Variants in CACNA1H observed in about 807,000 individuals in gnomAD.
The protein encoded by CACNA1H is voltage-dependent T-type calcium channel subunit alpha-1H.
Under a neutral mutation model 192.5 loss-of-function variants are expected in CACNA1H, and 149 were observed. The ratio of observed to expected loss-of-function variants is 0.77; its 90% CI spans 0.68 to 0.89. The LOEUF (loss-of-function observed/expected upper bound fraction) is 0.89. CACNA1H is among the 40% of genes least tolerant of loss of function. The pLI is 0.00. For synonymous variants in CACNA1H, 2,202 were observed against 1,475.2 expected (o/e 1.49, Z -11.29); for missense variants, 4,257 against 3,423.5 (o/e 1.24, Z -6.08).
At chr16:1,200,081 A>C (rs1196057587) in intron 6 of CACNA1H, among the ~76,000 whole-genome samples, 175 bp from the exon 7 acceptor site, 22 of 151,960 alleles carry the variant, frequency 1.4e-4, no homozygotes, top group Admixed American at 1.4e-3. Context: ...CTTGACCCTC[A>C]GTCCTATCAT....
At chr16:1,204,867 T>G (rs1418916715) in intron 10 of CACNA1H, among the ~76,000 whole-genome samples, 4 of 50,290 alleles carry the variant, frequency 8.0e-5, no homozygotes, top group Admixed American at 2.1e-4. Flanking sequence ...GAGCCGCGGG[T>G]GGGGGCCCAG....
chr16:1,213,765 C>G lies in CACNA1H; in HGVS notation c.4778-15C>G. ...CGGCCCTCCTGCCCGGCGCTCATGG[C>G]CGCCCTCCCCGCAGAGGCCCAGCGC... is the stretch of plus-strand genomic sequence containing the variant. On this transcript the variant is annotated splice_polypyrimidine_tract_variant and intron_variant, in intron 26 of 34. Transcript: ENST00000348261. 1 of 1,533,106 alleles carries G rather than the reference C, an allele frequency of 6.5e-7. No individual in the cohort carries two copies. Among genetic ancestry groups the G allele is most frequent in the African/African-American group, 1.4e-5 (1 of 72,596 alleles). The allele number at this position is 1,533,106 out of a possible 1,614,324, so 95.0% of individuals were successfully genotyped here.
rs868641096 is a variant in CACNA1H at position 1,206,199 on chromosome 16, C to T, written c.2699C>T (p.Ala900Val). The T allele has an allele frequency of 5.0e-6, 8 of 1,593,784 alleles. No homozygotes were observed. Among genetic ancestry groups the T allele is most frequent in the South Asian group, 1.1e-5 (1 of 87,246 alleles). ...RVLKLVRFLP[A>V]LRRQLVVLVK... ...CTGAAGCTGGTGCGCTTTCTGCCAG[C>T]CCTGCGGCGCCAGCTCGTGGTGCTG... Residue 900 changes from alanine to valine, a missense_variant, in exon 12 of 35, where the codon GCC (alanine) becomes GTC (valine). Transcript: ENST00000348261.
intron 2 of CACNA1H, among the ~76,000 whole-genome samples, chr16:1,172,676 CAG>C (rs1229071924): frequency 2.6e-5 from 4 of 152,176 alleles, no homozygotes; most frequent in Non-Finnish European, 2.9e-5. Flanking sequence ...CCTGTAGCCA[CAG>C]GGGCAGAGCC....
rs976408126 is a variant in CACNA1H at position 1,167,329 on chromosome 16, C to T, written c.299+13293C>T. ...ACCTTGGATTCCTGACACACGGGTGCGGGGGCGATATCGGCGCGGAGCGGG... is the reference window on the plus strand; with the variant it reads ...ACCTTGGATTCCTGACACACGGGTGTGGGGGCGATATCGGCGCGGAGCGGG... On this transcript the variant is annotated intron_variant, in intron 2 of 34. Transcript: ENST00000348261. The surrounding 1 kb of genome is among the most constrained non-coding windows in gnomAD (Gnocchi z 4.2). 2.0e-5 allele frequency among the ~76,000 whole-genome samples: 3 copies of T among 151,962 alleles called. No individual in the cohort carries two copies. The highest frequency in any genetic ancestry group is 1.9e-4 in the East Asian group (1 of 5,164).
At position 1,185,153 on chromosome 16, in the gene CACNA1H, G is replaced by A. The variant is rs573920657; in HGVS notation, c.300-9819G>A. Among the ~76,000 whole-genome samples, 4 of 152,272 alleles carry A rather than the reference G, an allele frequency of 2.6e-5. No individual in the cohort carries two copies. In the South Asian group the frequency reaches 6.2e-4, roughly 24 times the overall value. ...CAGTTCTTCCCAGCATCATGTTCCC[G>A]GGTTCACCTGTGTTGTGGCGTGTGG... On this transcript the variant is annotated intron_variant, in intron 2 of 34. Transcript: ENST00000348261.
intron 20 of CACNA1H, 45 bp from the exon 21 acceptor site, chr16:1,210,742 C>T (rs1390995499): frequency 3.8e-6 from 6 of 1,588,026 alleles, no homozygotes; most frequent in East Asian, 2.2e-5. Context: ...GCTCCCCAGA[C>T]CCCCCACGCC....
chr16:1,170,591 T>C (rs531900881), intron 2 of CACNA1H, among the ~76,000 whole-genome samples: 42 of 152,296 alleles, frequency 2.8e-4, no homozygotes, highest in African/African-American at 9.9e-4. Flanking sequence ...AATCAGGGAA[T>C]GTCTGTCTCC....
In CACNA1H at chr16:1,211,192, C is replaced by G. The variant is rs58110066; in HGVS notation, c.4248C>G (p.Leu1416=). 340 of 1,612,956 alleles carry G rather than the reference C, an allele frequency of 2.1e-4. No homozygotes were observed. The African/African-American group carries it at 3.4e-3, about 16-fold the overall frequency. The change falls in exon 22 of 35, where the codon CTC becomes CTG. Residue 1416 remains leucine, a synonymous_variant. Transcript: ENST00000348261. ...GGGTCATCAGCCGGGCCCCGGGCCT[C>G]AAGCTGGTGGTGGAGACGCTGATAT... ...PLRVISRAPG[L]KLVVETLISS...
intron 2 of CACNA1H, among the ~76,000 whole-genome samples, chr16:1,182,598 C>T (rs1712662447): frequency 1.3e-5 from 2 of 152,146 alleles, no homozygotes; most frequent in Admixed American, 6.5e-5. Flanking sequence ...GCTCCGGCCA[C>T]GTTCCCCTGG....
chr16:1,176,324 G>A (rs558500099), intron 2 of CACNA1H, among the ~76,000 whole-genome samples: 3 of 152,330 alleles, frequency 2.0e-5, no homozygotes, highest in Admixed American at 6.5e-5. Flanking sequence ...GCAATGTCTC[G>A]GAGCTCCCCT....
Position 1,206,982 on chromosome 16 carries a change from C to T in CACNA1H, c.2790-19C>T, listed in dbSNP as rs1424672316. ...CACCCCTGCCTCCACCCTCAACACG[C>T]CCCTGCCCCCACCCTCAGCATCCTG... is the stretch of plus-strand genomic sequence containing the variant. On this transcript the variant is annotated intron_variant, in intron 12 of 34. Transcript: ENST00000348261. The T allele has an allele frequency of 2.6e-6, 4 of 1,519,200 alleles. No homozygotes were observed. The highest frequency in any genetic ancestry group is 1.4e-5 in the African/African-American group (1 of 72,060). The allele number at this position is 1,519,200 out of a possible 1,614,324, so 94.1% of individuals were successfully genotyped here.
chr16:1,203,335 A>G (rs1264331688), intron 9 of CACNA1H, among the ~76,000 whole-genome samples: 1 of 152,178 alleles, frequency 6.6e-6, no homozygotes, highest in East Asian at 1.9e-4. Flanking sequence ...CATCGAGTCA[A>G]ACAGAATCCC....
At chr16:1,164,078 G>A (rs1478641694) in intron 2 of CACNA1H, among the ~76,000 whole-genome samples, 1 of 152,186 alleles carries the variant, frequency 6.6e-6, no homozygotes, top group Admixed American at 6.5e-5. Context: ...TATGGAGGCC[G>A]GCACAGGTGT....
At chr16:1,175,113 G>A (rs908413926) in intron 2 of CACNA1H, among the ~76,000 whole-genome samples, 11 of 152,058 alleles carry the variant, frequency 7.2e-5, no homozygotes, top group African/African-American at 1.7e-4. Context: ...GCCCCACTGC[G>A]CGCGCAGGCC....
At chr16:1,196,763 T>A (rs2141207981) in intron 5 of CACNA1H, among the ~76,000 whole-genome samples, 1 of 152,270 alleles carries the variant, frequency 6.6e-6, no homozygotes, top group East Asian at 1.9e-4. Flanking sequence ...GTCATATGCC[T>A]GCTTGTTTGG....
At chr16:1,182,628 G>A (rs1031430485) in intron 2 of CACNA1H, among the ~76,000 whole-genome samples, 1 of 152,162 alleles carries the variant, frequency 6.6e-6, no homozygotes, top group African/African-American at 2.4e-5. Context: ...TGGGGAGAGG[G>A]GCTCCCACAT....
Position 1,209,163 on chromosome 16 carries a change from C to T in CACNA1H, c.3495C>T (p.Ser1165=), listed in dbSNP as rs1053534342. The change falls in exon 17 of 35, where the codon TCC becomes TCT. Residue 1165 remains serine, a synonymous_variant. Transcript: ENST00000348261. ...KRRGQCGERE[S]LLSGEGKGST... ...GCGGCCAGTGTGGGGAACGTGAGTC[C>T]CTGCTGTCTGGCGAGGGCAAGGGCA... The T allele has an allele frequency of 1.6e-5, 25 of 1,553,218 alleles. No individual in the cohort carries two copies. Among genetic ancestry groups the T allele is most frequent in the Admixed American group, 5.8e-5 (3 of 51,498 alleles).
Position 1,205,265 on chromosome 16 carries a change from G to A in CACNA1H, c.2603G>A (p.Ser868Asn). 1 of 1,603,084 alleles carries A rather than the reference G, an allele frequency of 6.2e-7. No homozygotes were observed. Residue 868 changes from serine to asparagine, a missense_variant and splice_region_variant, in exon 11 of 35, where the codon AGC (serine) becomes AAC (asparagine). Transcript: ENST00000348261. ...NIFDGIIVVI[S>N]VWEIVGQADG... Reference sequence around the variant, plus strand: ...TTCGACGGCATCATCGTGGTCATCAGGTGGGTCCCCACCCTCTCCCCAGGA... The same window carrying A: ...TTCGACGGCATCATCGTGGTCATCAAGTGGGTCCCCACCCTCTCCCCAGGA...
Sources: gnomAD v4.1 joint callset for allele counts (sites outside exome capture counted in the v4.1 genomes callset) on GRCh38, gnomAD v4.1.1 for gene constraint, Gnocchi (gnomAD v3.1) non-coding constraint, MANE v1.5 for transcripts, NCBI Gene and HGNC (gene_info 2026-07-23, HGNC 2026-07-21) for gene names.